The following ARID1B variants were observed in gnomAD, a reference collection of about 807,000 sequenced individuals.
The protein encoded by ARID1B is AT-rich interaction domain 1B, also known as AT-rich interactive domain-containing protein 1B.
A neutral mutation model predicts 212.3 loss-of-function variants in ARID1B; 30 were observed. The observed-to-expected ratio is 0.14, with a 90% CI of 0.11 to 0.19. ARID1B has a LOEUF of 0.19. Among genes scored for constraint, ARID1B ranks in the 10% least tolerant of loss-of-function variants. The pLI, the probability that ARID1B is intolerant of heterozygous loss-of-function variation, is 1.00. For missense variants in ARID1B, 2,891 were observed against 3,204.0 expected (o/e 0.90, Z 2.36); for synonymous variants, 1,402 against 1,301.7 (o/e 1.08, Z -1.66).
intron 4 of ARID1B, among the ~76,000 whole-genome samples, chr6:156,975,155 C>G (rs1376763057): frequency 6.6e-6 from 1 of 152,242 alleles, no homozygotes; most frequent in Non-Finnish European, 1.5e-5. Flanking sequence ...TTCCTCTCCA[C>G]ACCTCACCAG....
At chr6:156,967,156 T>C (rs529219341) in intron 4 of ARID1B, among the ~76,000 whole-genome samples, 3 of 152,344 alleles carry the variant, frequency 2.0e-5, no homozygotes, top group East Asian at 3.9e-4. Context: ...ACCTAGTCTT[T>C]TGGGGGATTT....
intron 1 of ARID1B, among the ~76,000 whole-genome samples, chr6:156,819,149 A>G (rs1482997251): frequency 6.6e-6 from 1 of 152,182 alleles, no homozygotes; most frequent in Non-Finnish European, 1.5e-5. Flanking sequence ...CTTCTTTCTC[A>G]ATTTGAATCT....
intron 1 of ARID1B, among the ~76,000 whole-genome samples, chr6:156,783,103 A>G (rs1405784247): frequency 1.3e-5 from 2 of 151,980 alleles, no homozygotes; most frequent in Non-Finnish European, 1.5e-5. Flanking sequence ...TATAATGAGG[A>G]ACCTTAACCC....
intron 3 of ARID1B, among the ~76,000 whole-genome samples, chr6:156,919,624 C>T (rs1310436747): frequency 3.3e-5 from 5 of 152,182 alleles, no homozygotes; most frequent in African/African-American, 1.2e-4. Context: ...ATCAGCTGGG[C>T]ATGACTGTCT....
intron 2 of ARID1B, among the ~76,000 whole-genome samples, chr6:156,839,043 G>A (rs1325776426): frequency 2.0e-5 from 3 of 152,138 alleles, no homozygotes; most frequent in Non-Finnish European, 2.9e-5. Context: ...AATAGGGCCT[G>A]CCTTCTTTTC....
chr6:156,873,641 A>G (rs1430086606), intron 2 of ARID1B, among the ~76,000 whole-genome samples: 1 of 152,254 alleles, frequency 6.6e-6, no homozygotes, highest in East Asian at 1.9e-4. Flanking sequence ...TGAATTATTC[A>G]GCAAATGCAA....
rs7765115 is a variant in ARID1B, at chr6:156,816,081, A to G, written c.1792-13146A>G. 4.3e-3 allele frequency among the ~76,000 whole-genome samples: 653 copies of G among 152,368 alleles called. 7 individuals carry two copies. The highest frequency in any genetic ancestry group is 0.014 in the African/African-American group (597 of 41,588). On this transcript the variant is annotated intron_variant, in intron 1 of 19. Transcript: ENST00000636930. ...CTTAATTACAATAACATCTATTCATATACTTTGGGAAATACTGTTTTTAGA... is the reference window on the plus strand; with the variant it reads ...CTTAATTACAATAACATCTATTCATGTACTTTGGGAAATACTGTTTTTAGA...
chr6:156,817,124 C>G (rs1175799103), intron 1 of ARID1B, among the ~76,000 whole-genome samples: 1 of 150,990 alleles, frequency 6.6e-6, no homozygotes, highest in South Asian at 2.1e-4. Flanking sequence ...GTGCCTTACA[C>G]CTGTAATTCC....
intron 5 of ARID1B, among the ~76,000 whole-genome samples, chr6:157,102,832 C>T (rs1786166366): frequency 6.6e-6 from 1 of 151,820 alleles, no homozygotes; most frequent in African/African-American, 2.4e-5. Context: ...CTCCTGACCT[C>T]GTGATCCACC....
chr6:157,133,621 C>G (rs1024825577), intron 7 of ARID1B, among the ~76,000 whole-genome samples: 1 of 152,182 alleles, frequency 6.6e-6, no homozygotes, highest in Admixed American at 6.5e-5. Flanking sequence ...CCTGAGCTGA[C>G]GGCTCAGGAC....
intron 1 of ARID1B, among the ~76,000 whole-genome samples, chr6:156,816,795 G>A (rs557572931): frequency 6.6e-6 from 1 of 152,288 alleles, no homozygotes; most frequent in East Asian, 1.9e-4. Context: ...ATAGGTCGCT[G>A]GGCCTGTCAC....
intron 5 of ARID1B, among the ~76,000 whole-genome samples, chr6:157,088,387 C>A (rs979256750): frequency 2.0e-5 from 3 of 152,222 alleles, no homozygotes; most frequent in African/African-American, 7.2e-5. Flanking sequence ...GTTCATCCAA[C>A]ATTTTATATG....
At chr6:156,900,594 C>G (rs904101403) in intron 2 of ARID1B, among the ~76,000 whole-genome samples, 2 of 152,138 alleles carry the variant, frequency 1.3e-5, no homozygotes, top group African/African-American at 4.8e-5. Flanking sequence ...TTCCTGCTCT[C>G]TCTTGAAATT....
chr6:156,780,972 C>T (rs1779217393), intron 1 of ARID1B, among the ~76,000 whole-genome samples: 2 of 152,216 alleles, frequency 1.3e-5, no homozygotes, highest in Admixed American at 6.5e-5. Context: ...TCAGCACACG[C>T]AGCTTAATAA....
chr6:157,184,009 G>A (rs1288440586), intron 12 of ARID1B, among the ~76,000 whole-genome samples: 1 of 152,210 alleles, frequency 6.6e-6, no homozygotes, highest in Admixed American at 6.5e-5. Context: ...GTGGCGGGCA[G>A]AAGGACCTCC....
chr6:156,944,713 A>G lies in ARID1B; in HGVS notation c.2247+9137A>G, dbSNP rs144776800. 5.6e-4 allele frequency among the ~76,000 whole-genome samples: 86 copies of G among 152,308 alleles called. No homozygotes were observed. In the East Asian group the frequency reaches 0.014, roughly 26 times the overall value. On this transcript the variant is annotated intron_variant, in intron 4 of 19. Transcript: ENST00000636930. The stretch of plus-strand genomic sequence containing the variant: ...GGGCATGTATCTGAGGCCTCCCTTC[A>G]CCTCCAAACCTCAGGTTTACATTTG...
chr6:157,210,436 C>G lies in ARID1B; in HGVS notation c.*2545C>G, dbSNP rs1038698664. 1 of 230,792 alleles carries G rather than the reference C, an allele frequency of 4.3e-6. No individual in the cohort carries two copies. The highest frequency in any genetic ancestry group is 8.6e-6 in the Non-Finnish European group (1 of 116,946). The allele number at this position is 230,792 out of a possible 1,614,324, so 14.3% of individuals were successfully genotyped here. A position where few individuals can be genotyped will look rare whatever the true frequency, so the allele number is the denominator to read the frequency against. ...CTGTTGTTATGGTTTGCATTGTAAC[C>G]GATACGCAGAGTCTGACCGTTGGGC... On this transcript the variant is annotated 3_prime_UTR_variant, in exon 20 of 20. Coordinates refer to ENST00000636930, the MANE Select transcript of ARID1B (RefSeq NM_001374828.1).
At chr6:157,009,632 C>T (rs765380508) in intron 4 of ARID1B, among the ~76,000 whole-genome samples, 2 of 152,162 alleles carry the variant, frequency 1.3e-5, no homozygotes, top group Non-Finnish European at 2.9e-5. Flanking sequence ...GCTAATATGA[C>T]GCAAAATGCT....
chr6:157,134,898 G>A (rs762328321), intron 7 of ARID1B, among the ~76,000 whole-genome samples: 12 of 152,228 alleles, frequency 7.9e-5, no homozygotes, highest in Non-Finnish European at 1.3e-4. Context: ...TAACTCTTAA[G>A]TCCATAAGCC....
Sources: gnomAD v4.1 joint callset for allele counts (sites outside exome capture counted in the v4.1 genomes callset) on GRCh38, gnomAD v4.1.1 for gene constraint, MANE v1.5 for transcripts, NCBI Gene and HGNC (gene_info 2026-07-23, HGNC 2026-07-21) for gene names.